PDSS2: variants seen among roughly 807,000 people sequenced by gnomAD.
The protein encoded by PDSS2 is decaprenyl diphosphate synthase subunit 2, also known as all trans-polyprenyl-diphosphate synthase PDSS2.
In PDSS2, 31 loss-of-function variants were observed where a neutral mutation model predicts 44.5. That is an observed-to-expected ratio of 0.70 (90% CI 0.52 to 0.94). The LOEUF is 0.94. Ranked by LOEUF, PDSS2 falls within the 40% of genes least tolerant of loss-of-function variation. PDSS2 has a pLI of 0.00. For synonymous variants in PDSS2, 157 were observed against 180.3 expected (o/e 0.87, Z 1.03); for missense variants, 452 against 482.2 (o/e 0.94, Z 0.59).
chr6:107,421,143 AC>A (rs1242514766), intron 1 of PDSS2, among the ~76,000 whole-genome samples: 2 of 152,242 alleles, frequency 1.3e-5, no homozygotes, highest in African/African-American at 4.8e-5. Context: ...ATGAGATATT[AC>A]TACACATCTA....
At chr6:107,394,173 C>T (rs1779869373) in intron 1 of PDSS2, among the ~76,000 whole-genome samples, 1 of 152,070 alleles carries the variant, frequency 6.6e-6, no homozygotes, top group Non-Finnish European at 1.5e-5. Flanking sequence ...ATTTTATCTT[C>T]TCTATTTGGC....
intron 1 of PDSS2, among the ~76,000 whole-genome samples, chr6:107,434,327 A>G (rs547119382): frequency 3.9e-5 from 6 of 152,348 alleles, no homozygotes; most frequent in South Asian, 4.1e-4. Context: ...AGCACTGTTC[A>G]CAATAGCCAA....
chr6:107,403,426 T>G (rs1441051854), intron 1 of PDSS2, among the ~76,000 whole-genome samples: 1 of 152,232 alleles, frequency 6.6e-6, no homozygotes, highest in Non-Finnish European at 1.5e-5. Flanking sequence ...GTTCAAGTTG[T>G]CAATGGATCT....
At chr6:107,213,012 C>A (rs1359793259) in intron 4 of PDSS2, among the ~76,000 whole-genome samples, 2 of 151,706 alleles carry the variant, frequency 1.3e-5, no homozygotes, top group African/African-American at 4.8e-5. Context: ...CTCTTTCTCT[C>A]CCCCTCTTTT....
At chr6:107,346,836 T>A (rs1363894920) in intron 1 of PDSS2, among the ~76,000 whole-genome samples, 1 of 152,254 alleles carries the variant, frequency 6.6e-6, no homozygotes. Context: ...ATTTTTCTCC[T>A]GAACATTTCC....
At chr6:107,285,217 AT>A (rs1381307068) in intron 2 of PDSS2, among the ~76,000 whole-genome samples, 2 of 152,246 alleles carry the variant, frequency 1.3e-5, no homozygotes, top group Non-Finnish European at 2.9e-5. Context: ...TGTTTTTAAA[AT>A]TGAAAAACTG....
intron 4 of PDSS2, among the ~76,000 whole-genome samples, chr6:107,242,023 T>C (rs550915463): frequency 6.6e-6 from 1 of 152,260 alleles, no homozygotes; most frequent in Admixed American, 6.5e-5. Flanking sequence ...AAGCACTCCA[T>C]GTGGGGGCAG....
At position 107,274,094 on chromosome 6, in the gene PDSS2, T is replaced by G. The variant is rs201682968; in HGVS notation, c.565A>C (p.Ile189Leu). ...KDMQFGNKIA[I>L]LSGDFLLANA... is the part of the protein sequence containing the mutation. ...GCTAGAAGAAAGTCTCCACTCAGGA[T>G]AGCAATTTTATTTCCAAATTGCATG... Residue 189 changes from isoleucine to leucine, a missense_variant, in exon 3 of 8, where the codon ATC (isoleucine) becomes CTC (leucine). Coordinates refer to ENST00000369037, the MANE Select transcript of PDSS2 (RefSeq NM_020381.4). 6.2e-7 allele frequency: 1 copy of G among 1,614,002 alleles called. No individual in the cohort carries two copies. Among genetic ancestry groups the G allele is most frequent in the East Asian group, 2.2e-5 (1 of 44,872 alleles).
chr6:107,361,845 T>A (rs918126417), intron 1 of PDSS2, among the ~76,000 whole-genome samples: 1 of 152,174 alleles, frequency 6.6e-6, no homozygotes, highest in South Asian at 2.1e-4. Context: ...AAGAACAATA[T>A]GAGTTTAAGA....
chr6:107,383,990 A>G (rs1025441110), intron 1 of PDSS2, among the ~76,000 whole-genome samples: 1 of 152,244 alleles, frequency 6.6e-6, no homozygotes, highest in Non-Finnish European at 1.5e-5. Flanking sequence ...CATTTTCATA[A>G]CAGCCCAAAA....
intron 7 of PDSS2, among the ~76,000 whole-genome samples, chr6:107,168,911 T>G: frequency 6.6e-6 from 1 of 152,148 alleles, no homozygotes; most frequent in East Asian, 1.9e-4. Context: ...CCCTTAACAT[T>G]TTTTCCTTCA....
chr6:107,373,308 G>A (rs1779183533), intron 1 of PDSS2, among the ~76,000 whole-genome samples: 1 of 152,064 alleles, frequency 6.6e-6, no homozygotes, highest in Non-Finnish European at 1.5e-5. Flanking sequence ...TTTAAAGTAT[G>A]TTAATACTGA....
intron 1 of PDSS2, among the ~76,000 whole-genome samples, chr6:107,458,063 A>G (rs984470712): frequency 3.9e-5 from 6 of 152,212 alleles, no homozygotes; most frequent in Non-Finnish European, 7.3e-5. Flanking sequence ...ATATATAGAC[A>G]TATCTACGTA....
At chr6:107,455,019 G>A (rs1399572396) in intron 1 of PDSS2, among the ~76,000 whole-genome samples, 1 of 151,994 alleles carries the variant, frequency 6.6e-6, no homozygotes, top group Non-Finnish European at 1.5e-5. Flanking sequence ...ACACATTATT[G>A]TAGTAAATAG....
chr6:107,175,253 C>A (rs1771748961), intron 7 of PDSS2, among the ~76,000 whole-genome samples: 1 of 151,482 alleles, frequency 6.6e-6, no homozygotes, highest in South Asian at 2.1e-4. Context: ...CTCGCTCTAT[C>A]TGTATCTATA....
At chr6:107,346,792 T>G (rs1035283597) in intron 1 of PDSS2, among the ~76,000 whole-genome samples, 6 of 152,236 alleles carry the variant, frequency 3.9e-5, no homozygotes, top group African/African-American at 1.4e-4. Flanking sequence ...TAAAAGTGCC[T>G]TATAGGTAAA....
chr6:107,384,822 C>T (rs924367568), intron 1 of PDSS2, among the ~76,000 whole-genome samples: 7 of 152,100 alleles, frequency 4.6e-5, no homozygotes, highest in Admixed American at 1.3e-4. Context: ...TGGTGCTTTC[C>T]GTCTGACTGA....
chr6:107,164,392 C>T (rs1771261793), intron 7 of PDSS2, among the ~76,000 whole-genome samples: 1 of 152,120 alleles, frequency 6.6e-6, no homozygotes, highest in Non-Finnish European at 1.5e-5. Flanking sequence ...GTTCAATTAC[C>T]ACCTACCAGT....
intron 7 of PDSS2, among the ~76,000 whole-genome samples, chr6:107,165,732 T>C (rs1190318267): frequency 2.6e-5 from 4 of 152,072 alleles, no homozygotes; most frequent in African/African-American, 9.7e-5. Context: ...GGGGATGGCA[T>C]TGAATCTATA....
Sources: allele counts gnomAD v4.1 joint callset (sites outside exome capture counted in the v4.1 genomes callset), GRCh38; gene constraint gnomAD v4.1.1; transcripts MANE v1.5; gene names NCBI Gene and HGNC (gene_info 2026-07-23, HGNC 2026-07-21).